EML4: variants seen among roughly 807,000 people sequenced by gnomAD.
EML4 encodes the protein echinoderm microtubule-associated protein-like 4.
Under a neutral mutation model 129.0 loss-of-function variants are expected in EML4, and 72 were observed. The ratio of observed to expected loss-of-function variants is 0.56; its 90% CI spans 0.46 to 0.68. The LOEUF (loss-of-function observed/expected upper bound fraction) is 0.68. Ranked by LOEUF, EML4 falls within the 30% of genes least tolerant of loss-of-function variation. The pLI is 0.00. For synonymous variants in EML4, 532 were observed against 405.0 expected, an observed-to-expected ratio of 1.31 and a Z score of -3.77; for missense variants, 1,363 against 1,190.6, an observed-to-expected ratio of 1.14 and a Z score of -2.13.
chr2:42,189,426 A>G (rs1671453524), intron 1 of EML4, among the ~76,000 whole-genome samples: 1 of 152,144 alleles, frequency 6.6e-6, no homozygotes, highest in Admixed American at 6.5e-5. Context: ...TAGAGAGAAA[A>G]TAAGTGAGCC....
Position 42,317,494 on chromosome 2 carries a change from A to T in EML4, c.2124A>T (p.Gly708=). 6.2e-7 allele frequency: 1 copy of T among 1,611,950 alleles called. No individual in the cohort carries two copies. Among genetic ancestry groups the T allele is most frequent in the Non-Finnish European group, 8.5e-7 (1 of 1,178,578 alleles). Residue 708 remains glycine, a synonymous_variant, in exon 19 of 23, where the codon GGA becomes GGT. Coordinates refer to ENST00000318522, the MANE Select transcript of EML4 (RefSeq NM_019063.5). ...ACCTCTATGTAGTCTCTGAAAATGG[A>T]AGAAAATATAGCAGATATGGAAGGT... ...FIYLYVVSEN[G]RKYSRYGRCT...
chr2:42,277,007 A>G (rs1666694594), intron 6 of EML4, among the ~76,000 whole-genome samples: 1 of 152,122 alleles, frequency 6.6e-6, no homozygotes, highest in Non-Finnish European at 1.5e-5. Flanking sequence ...GACACTTGAT[A>G]CCCAATATGG....
rs77228430 is a variant in EML4 at position 42,281,697 on chromosome 2, A to G, written c.791+724A>G. 9.6e-3 allele frequency among the ~76,000 whole-genome samples: 1,462 copies of G among 152,210 alleles called. 26 individuals carry two copies. Among genetic ancestry groups the G allele is most frequent in the African/African-American group, 0.033 (1,358 of 41,486 alleles). The stretch of plus-strand genomic sequence containing the variant: ...ATCAGTTAAGCATTTTGTAACCTCA[A>G]ATTAACAAGGCTGATTCTAATTCAG... On this transcript the variant is annotated intron_variant, in intron 7 of 22. Coordinates refer to ENST00000318522, the MANE Select transcript of EML4 (RefSeq NM_019063.5).
At position 42,214,294 on chromosome 2, in the gene EML4, A is replaced by T. The variant is rs556896336; in HGVS notation, c.26-31211A>T. Among the ~76,000 whole-genome samples the T allele has an allele frequency of 4.3e-4, 65 of 152,326 alleles. 1 individual carries two copies. Among genetic ancestry groups the T allele is most frequent in the Middle Eastern group, 3.4e-3 (1 of 294 alleles). ...CAAAGTATAAAAAATTAATGGTTTTAAAAAATGGACTGTTATTTGATGCTT... is the reference window on the plus strand; with the variant it reads ...CAAAGTATAAAAAATTAATGGTTTTTAAAAATGGACTGTTATTTGATGCTT... On this transcript the variant is annotated intron_variant, in intron 1 of 22. Coordinates refer to ENST00000318522, the MANE Select transcript of EML4 (RefSeq NM_019063.5).
chr2:42,324,338 G>A lies in EML4; in HGVS notation c.2155-1129G>A, dbSNP rs567572158. The stretch of plus-strand genomic sequence containing the variant: ...GTGACCAGAAAGCTAGTAATTGACC[G>A]GATACAGTGGCTCATGCCAGTAGTC... On this transcript the variant is annotated intron_variant, in intron 19 of 22. Coordinates refer to ENST00000318522, the MANE Select transcript of EML4 (RefSeq NM_019063.5). 2.6e-5 allele frequency among the ~76,000 whole-genome samples: 4 copies of A among 151,704 alleles called. No individual in the cohort carries two copies. In the East Asian group the frequency reaches 7.8e-4, roughly 30 times the overall value.
intron 1 of EML4, among the ~76,000 whole-genome samples, chr2:42,211,959 G>A (rs960316612): frequency 7.9e-5 from 12 of 151,860 alleles, no homozygotes; most frequent in African/African-American, 2.4e-4. Context: ...ATTCTCGTGC[G>A]TCAGCCCCCC....
intron 17 of EML4, among the ~76,000 whole-genome samples, chr2:42,307,015 CT>C (rs1668644104): frequency 6.6e-6 from 1 of 152,160 alleles, no homozygotes; most frequent in Non-Finnish European, 1.5e-5. Flanking sequence ...GAAGGTTTAT[CT>C]TTGACAATTA....
intron 1 of EML4, among the ~76,000 whole-genome samples, chr2:42,234,542 A>C (rs1405131983): frequency 6.6e-6 from 1 of 152,210 alleles, no homozygotes; most frequent in Non-Finnish European, 1.5e-5. Context: ...TTGGGAATGA[A>C]TCTAGATTCC....
chr2:42,216,308 T>G (rs1673187825), intron 1 of EML4, among the ~76,000 whole-genome samples: 1 of 143,420 alleles, frequency 7.0e-6, no homozygotes, highest in Non-Finnish European at 1.5e-5. Context: ...AGTGGCGCGA[T>G]CTTGGCTCAC....
intron 16 of EML4, among the ~76,000 whole-genome samples, chr2:42,303,747 A>G (rs1311677429): frequency 2.0e-5 from 3 of 152,264 alleles, no homozygotes; most frequent in Non-Finnish European, 2.9e-5. Flanking sequence ...AACACGGTGA[A>G]GCCCTGTCTC....
At chr2:42,298,361 T>C (rs1297133615) in intron 13 of EML4, among the ~76,000 whole-genome samples, 1 of 152,208 alleles carries the variant, frequency 6.6e-6, no homozygotes, top group Non-Finnish European at 1.5e-5. Flanking sequence ...TAAGTTTGGA[T>C]GGACTTGACC....
chr2:42,213,657 G>C (rs1464760386), intron 1 of EML4, among the ~76,000 whole-genome samples: 2 of 152,034 alleles, frequency 1.3e-5, no homozygotes, highest in African/African-American at 4.8e-5. Context: ...TCGCAGCAGC[G>C]ATATGAATCT....
Position 42,169,397 on chromosome 2 carries a change from C to T in EML4, c.-215C>T. 1 of 373,640 alleles carries T rather than the reference C, an allele frequency of 2.7e-6. No homozygotes were observed. The allele number at this position is 373,640 out of a possible 1,614,324, so 23.1% of individuals were successfully genotyped here. On this transcript the variant is annotated 5_prime_UTR_variant, in exon 1 of 23. Transcript: ENST00000318522. ...CCTGGGAGGGAGGCCGGGCAGGCGG[C>T]TGAGCGGCGCGGCTCTCAACGTGAC... is the stretch of plus-strand genomic sequence containing the variant.
At chr2:42,206,837 T>A (rs2103996014) in intron 1 of EML4, among the ~76,000 whole-genome samples, 1 of 152,340 alleles carries the variant, frequency 6.6e-6, no homozygotes, top group Non-Finnish European at 1.5e-5. Context: ...AACACAGTAA[T>A]CAAGACAGTC....
chr2:42,217,866 A>T (rs1219129568), intron 1 of EML4, among the ~76,000 whole-genome samples: 3 of 152,074 alleles, frequency 2.0e-5, no homozygotes, highest in African/African-American at 7.3e-5. Flanking sequence ...AAATATGTAG[A>T]AGACATGGGG....
In EML4 at chr2:42,303,160, T is replaced by G; in HGVS notation, c.1698T>G (p.Phe566Leu). The G allele has an allele frequency of 1.2e-6, 2 of 1,614,178 alleles. No homozygotes were observed. Among genetic ancestry groups the G allele is most frequent in the Non-Finnish European group, 1.7e-6 (2 of 1,180,010 alleles). The change falls in exon 15 of 23, where the codon TTT (phenylalanine) becomes TTG (leucine). Residue 566 changes from phenylalanine to leucine, a missense_variant. Phe to Leu is a conservative substitution (Grantham distance 22, BLOSUM62 0). Coordinates refer to ENST00000318522, the MANE Select transcript of EML4 (RefSeq NM_019063.5). Reference sequence around the variant, plus strand: ...TAGCAGAAGGAAAGGCAGATCAATTTTTAGTAGGCACATCACGAAACTTTA... The same window carrying G: ...TAGCAGAAGGAAAGGCAGATCAATTGTTAGTAGGCACATCACGAAACTTTA... ...RAVAEGKADQ[F>L]LVGTSRNFIL...
At chr2:42,182,548 A>C (rs543086377) in intron 1 of EML4, among the ~76,000 whole-genome samples, 12 of 152,272 alleles carry the variant, frequency 7.9e-5, no homozygotes, top group African/African-American at 2.6e-4. Flanking sequence ...CTGCCTTGAT[A>C]GCTTTAGGAC....
chr2:42,190,265 C>T (rs1367184562), intron 1 of EML4, among the ~76,000 whole-genome samples: 1 of 152,150 alleles, frequency 6.6e-6, no homozygotes, highest in African/African-American at 2.4e-5. Context: ...CTCCCATTCC[C>T]TCCTCCTGCT....
Position 42,264,706 on chromosome 2 carries a change from G to A in EML4, c.642G>A (p.Lys214=), listed in dbSNP as rs915669284. Residue 214 remains lysine, a splice_region_variant and synonymous_variant, in exon 6 of 23, where the codon AAG becomes AAA. Coordinates refer to ENST00000318522, the MANE Select transcript of EML4 (RefSeq NM_019063.5). ...LIPKVTKTAD[K]HKDVIINQEG... ...TGTGTTTCTTAAATTTCTTTTCTAG[G>A]CATAAAGATGTCATCATCAACCAAG... is the stretch of plus-strand genomic sequence containing the variant. The A allele has an allele frequency of 1.1e-5, 15 of 1,420,648 alleles. No individual in the cohort carries two copies. The highest frequency in any genetic ancestry group is 5.7e-5 in the African/African-American group (4 of 70,092). 88.0% of individuals were successfully genotyped at this position (1,420,648 alleles called of 1,614,324 possible). A position where few individuals can be genotyped will look rare whatever the true frequency, so the allele number is the denominator to read the frequency against.
Sources: allele counts gnomAD v4.1 joint callset (sites outside exome capture counted in the v4.1 genomes callset), GRCh38; gene constraint gnomAD v4.1.1; transcripts MANE v1.5; gene names NCBI Gene and HGNC (gene_info 2026-07-23, HGNC 2026-07-21).